The following ENTREP2 variants were observed in gnomAD, a reference collection of about 807,000 sequenced individuals.
ENTREP2 encodes endosomal transmembrane epsin interactor 2.
chr15:29,202,270 C>T, the ENTREP2 span, among the ~76,000 whole-genome samples: 1 of 151,928 alleles, frequency 6.6e-6, no homozygotes, highest in Non-Finnish European at 1.5e-5. Flanking sequence ...TTGATTTCTG[C>T]TCTTTCATTT....
the ENTREP2 span, among the ~76,000 whole-genome samples, chr15:29,629,338 T>C: frequency 6.6e-6 from 1 of 152,206 alleles, no homozygotes; most frequent in Non-Finnish European, 1.5e-5. Flanking sequence ...TACCATTTTA[T>C]TATTGATCTC....
the ENTREP2 span, among the ~76,000 whole-genome samples, chr15:29,423,351 T>C: frequency 7.9e-5 from 12 of 152,288 alleles, no homozygotes; most frequent in African/African-American, 2.9e-4. Context: ...TGACTATACA[T>C]ATAAATAGTA....
At chr15:29,491,315 G>C in the ENTREP2 span, among the ~76,000 whole-genome samples, 3 of 152,180 alleles carry the variant, frequency 2.0e-5, no homozygotes, top group Non-Finnish European at 2.9e-5. Flanking sequence ...CCAGAGTGGG[G>C]CTCCTACAGT....
chr15:29,270,294 C>G, the ENTREP2 span, among the ~76,000 whole-genome samples: 1 of 152,200 alleles, frequency 6.6e-6, no homozygotes, highest in Non-Finnish European at 1.5e-5. Flanking sequence ...TCTCTAATGC[C>G]CCGTGGAGTC....
chr15:29,642,882 G>C, the ENTREP2 span, among the ~76,000 whole-genome samples: 2 of 152,122 alleles, frequency 1.3e-5, no homozygotes, highest in Non-Finnish European at 2.9e-5. Flanking sequence ...AAAGTGCAGG[G>C]ATTACAGGCA....
the ENTREP2 span, among the ~76,000 whole-genome samples, chr15:29,284,118 A>G: frequency 6.6e-6 from 1 of 152,228 alleles, no homozygotes; most frequent in Non-Finnish European, 1.5e-5. Flanking sequence ...GAAATGCCAA[A>G]GAAACAAAAC....
At chr15:29,179,646 T>C in the ENTREP2 span, among the ~76,000 whole-genome samples, 2 of 151,080 alleles carry the variant, frequency 1.3e-5, no homozygotes, top group African/African-American at 4.9e-5. Flanking sequence ...AGTGGTGCGA[T>C]CTCAGCTCAC....
chr15:29,208,257 C>A, the ENTREP2 span, among the ~76,000 whole-genome samples: 1 of 151,386 alleles, frequency 6.6e-6, no homozygotes. Context: ...AACGTGAAAC[C>A]TACTTGCCAT....
At chr15:29,665,901 C>T in the ENTREP2 span, among the ~76,000 whole-genome samples, 3 of 149,698 alleles carry the variant, frequency 2.0e-5, no homozygotes, top group African/African-American at 4.9e-5. Flanking sequence ...TCTCCCAGGC[C>T]GGAGTGCAGT....
chr15:29,528,233 CAT>C, the ENTREP2 span, among the ~76,000 whole-genome samples: 6 of 151,646 alleles, frequency 4.0e-5, no homozygotes, highest in African/African-American at 1.5e-4. Flanking sequence ...TCCGTAGTAT[CAT>C]GTGACAGCAT....
chr15:29,447,595 GCTGGGACTACAGGTGCATGCCA>G, the ENTREP2 span, among the ~76,000 whole-genome samples: 1 of 151,492 alleles, frequency 6.6e-6, no homozygotes, highest in African/African-American at 2.4e-5. Flanking sequence ...CTCCTGAGTA[GCTGGGACTACAGGTGCATGCCA>G]CTGGGACTAC....
the ENTREP2 span, among the ~76,000 whole-genome samples, chr15:29,170,045 T>C: frequency 6.6e-6 from 1 of 152,122 alleles, no homozygotes; most frequent in Admixed American, 6.5e-5. Context: ...CGGTGGCTCA[T>C]GCCTGTAATC....
chr15:29,585,288 C>T, the ENTREP2 span, among the ~76,000 whole-genome samples: 1 of 152,160 alleles, frequency 6.6e-6, no homozygotes, highest in South Asian at 2.1e-4. Flanking sequence ...GAAGCACATC[C>T]ATTTTCAAAA....
At chr15:29,661,117 A>G in the ENTREP2 span, among the ~76,000 whole-genome samples, 1 of 152,212 alleles carries the variant, frequency 6.6e-6, no homozygotes, top group African/African-American at 2.4e-5. Context: ...AACAAGGCCA[A>G]AGATGTTTTA....
At chr15:29,390,114 G>T in the ENTREP2 span, among the ~76,000 whole-genome samples, 1 of 152,202 alleles carries the variant, frequency 6.6e-6, no homozygotes, top group Non-Finnish European at 1.5e-5. Flanking sequence ...GGAGACCAAG[G>T]GCGGTTGATG....
chr15:29,598,759 T>A, the ENTREP2 span, among the ~76,000 whole-genome samples: 1 of 152,096 alleles, frequency 6.6e-6, no homozygotes, highest in African/African-American at 2.4e-5. Context: ...TGCAGTGGCG[T>A]GATCTTGGCT....
the ENTREP2 span, among the ~76,000 whole-genome samples, chr15:29,657,035 T>G: frequency 6.6e-6 from 1 of 152,184 alleles, no homozygotes; most frequent in Admixed American, 6.5e-5. Flanking sequence ...AGCCGGGCCT[T>G]CGTGGTGAGT....
the ENTREP2 span, among the ~76,000 whole-genome samples, chr15:29,568,598 C>A: frequency 1.3e-5 from 2 of 151,086 alleles, no homozygotes; most frequent in African/African-American, 4.9e-5. Context: ...TAGCTACTTG[C>A]AAGGCAGAGG....
the ENTREP2 span, among the ~76,000 whole-genome samples, chr15:29,260,270 C>G: frequency 6.6e-6 from 1 of 152,132 alleles, no homozygotes; most frequent in African/African-American, 2.4e-5. Context: ...GACAAAGACA[C>G]TACAAGAAAA....
Sources: allele counts gnomAD v4.1 joint callset (sites outside exome capture counted in the v4.1 genomes callset), GRCh38; gene constraint gnomAD v4.1.1; transcripts MANE v1.5; gene names NCBI Gene and HGNC (gene_info 2026-07-23, HGNC 2026-07-21).